FLT3: variants seen among roughly 807,000 people sequenced by gnomAD.
FLT3 encodes the protein receptor-type tyrosine-protein kinase FLT3.
FLT3 carries 46 observed loss-of-function variants against 126.6 expected under a neutral mutation model. The observed-to-expected ratio is 0.36, with a 90% confidence interval of 0.29 to 0.46. The LOEUF (loss-of-function observed/expected upper bound fraction) is 0.46. Ranked by LOEUF, FLT3 falls within the 20% of genes least tolerant of loss-of-function variation. The pLI is 1.00. For missense variants in FLT3, 1,069 were observed against 1,190.3 expected, an observed-to-expected ratio of 0.90 and a Z score of 1.50; for synonymous variants, 404 against 434.4, an observed-to-expected ratio of 0.93 and a Z score of 0.87.
chr13:28,072,388 GCTCT>G (rs757347305), intron 1 of FLT3, among the ~76,000 whole-genome samples: 29 of 149,992 alleles, frequency 1.9e-4, no homozygotes, highest in Non-Finnish European at 3.6e-4. Flanking sequence ...ACTCTCTCTC[GCTCT>G]CTCTCTCTCT....
chr13:28,036,684 A>G (rs1873863715), intron 10 of FLT3, among the ~76,000 whole-genome samples: 1 of 152,250 alleles, frequency 6.6e-6, no homozygotes, highest in South Asian at 2.1e-4. Context: ...ATACACACAG[A>G]AAGAGATATA....
chr13:28,050,517 A>C (rs1223233854), intron 5 of FLT3, among the ~76,000 whole-genome samples: 1 of 152,228 alleles, frequency 6.6e-6, no homozygotes, highest in South Asian at 2.1e-4. Context: ...CAGGGAAAGA[A>C]AGGGAAAAAA....
At chr13:28,079,743 T>C (rs1475694193) in intron 1 of FLT3, among the ~76,000 whole-genome samples, 2 of 152,076 alleles carry the variant, frequency 1.3e-5, no homozygotes, top group Non-Finnish European at 2.9e-5. Context: ...AGCACAAGGA[T>C]AGCACGGGAA....
chr13:28,037,111 C>G (rs1219028979), intron 10 of FLT3, 74 bp downstream of exon 10: 13 of 896,348 alleles, frequency 1.5e-5, no homozygotes, highest in Admixed American at 5.6e-5. Flanking sequence ...CATTACTTAA[C>G]TTTTCCTAGT....
chr13:28,051,115 G>T (rs73439141), intron 5 of FLT3, among the ~76,000 whole-genome samples: 4,078 of 152,256 alleles, frequency 0.027, 163 homozygotes, highest in African/African-American at 0.091. Context: ...GCAAACCAGG[G>T]TTCAAACCCA....
chr13:28,050,337 G>A, intron 5 of FLT3, 115 bp from the exon 6 acceptor site: 1 of 958,674 alleles, frequency 1.0e-6, no homozygotes, highest in Non-Finnish European at 1.6e-6. Context: ...GTAAACAAAA[G>A]GTCAAAAGGT....
At chr13:28,041,232 CCA>C (rs796201421) in intron 9 of FLT3, among the ~76,000 whole-genome samples, 6 of 152,010 alleles carry the variant, frequency 3.9e-5, no homozygotes, top group African/African-American at 1.4e-4. Flanking sequence ...TGGAAGTGGC[CCA>C]AGAGAAGAAA....
intron 17 of FLT3, among the ~76,000 whole-genome samples, 169 bp downstream of exon 17, chr13:28,026,919 C>CGTT (rs1463277749): frequency 2.0e-5 from 3 of 152,164 alleles, no homozygotes; most frequent in East Asian, 1.9e-4. Context: ...GGACAGGACT[C>CGTT]GTTCCATGTC....
intron 15 of FLT3, among the ~76,000 whole-genome samples, chr13:28,032,526 C>T (rs1178745512): frequency 2.0e-5 from 3 of 152,196 alleles, no homozygotes; most frequent in East Asian, 1.9e-4. Context: ...GGGAGGATGG[C>T]TTGAGCCTGG....
chr13:28,063,002 G>C (rs540069478), intron 2 of FLT3, among the ~76,000 whole-genome samples: 1 of 152,096 alleles, frequency 6.6e-6, no homozygotes, highest in Non-Finnish European at 1.5e-5. Context: ...AAACTAATCA[G>C]ACCGTAATTA....
At chr13:28,046,319 A>G (rs1226177920) in intron 9 of FLT3, among the ~76,000 whole-genome samples, 1 of 152,154 alleles carries the variant, frequency 6.6e-6, no homozygotes, top group Non-Finnish European at 1.5e-5. Context: ...TTTAGTACAA[A>G]TCCCTTTTAG....
At chr13:28,094,393 TA>T (rs1353882325) in intron 1 of FLT3, among the ~76,000 whole-genome samples, 1 of 152,224 alleles carries the variant, frequency 6.6e-6, no homozygotes, top group Non-Finnish European at 1.5e-5. Context: ...AAAAAATGTA[TA>T]TTTTTTTACT....
At chr13:28,014,325 G>A (rs972222976) in intron 23 of FLT3, 127 bp downstream of exon 23, 4 of 663,774 alleles carry the variant, frequency 6.0e-6, no homozygotes, top group Non-Finnish European at 1.1e-5. Flanking sequence ...AACTTTGAAA[G>A]GGCAACCCAG....
intron 19 of FLT3, among the ~76,000 whole-genome samples, chr13:28,022,926 T>C (rs746923974): frequency 2.0e-5 from 3 of 152,016 alleles, no homozygotes; most frequent in Non-Finnish European, 4.4e-5. Context: ...GCACGCAGGG[T>C]GAGAATTAGA....
intron 18 of FLT3, among the ~76,000 whole-genome samples, chr13:28,024,520 C>T (rs936334493): frequency 6.6e-6 from 1 of 152,240 alleles, no homozygotes; most frequent in Admixed American, 6.5e-5. Context: ...GGTCACATAA[C>T]TTGTCCAAAG....
chr13:28,003,926 A>G lies in FLT3; in HGVS notation c.*126T>C, dbSNP rs1343218082. On this transcript the variant is annotated 3_prime_UTR_variant, in exon 24 of 24. Transcript: ENST00000241453. ...GAGTAAACGCAGACAGCTTCTAGAG[A>G]AAAGTCTGGTGAAGCAGCAGTTGAT... The G allele has an allele frequency of 3.6e-6, 4 of 1,103,958 alleles. No homozygotes were observed. The highest frequency in any genetic ancestry group is 1.6e-5 in the African/African-American group (1 of 64,174). The allele number at this position is 1,103,958 out of a possible 1,614,324, so 68.4% of individuals were successfully genotyped here.
At chr13:28,043,084 G>A (rs372300085) in intron 9 of FLT3, among the ~76,000 whole-genome samples, 54 of 152,156 alleles carry the variant, frequency 3.5e-4, no homozygotes, top group African/African-American at 1.3e-3. Context: ...TAGATTCACA[G>A]AGTTGGAAAA....
chr13:28,049,766 G>C lies in FLT3; in HGVS notation c.751C>G (p.Gln251Glu). 6.2e-7 allele frequency: 1 copy of C among 1,612,864 alleles called. No individual in the cohort carries two copies. The highest frequency in any genetic ancestry group is 8.5e-7 in the Non-Finnish European group (1 of 1,179,678). Residue 251 changes from glutamine (Q) to glutamate (E), a missense_variant, in exon 7 of 24, where the codon CAA (glutamine) becomes GAA (glutamate). By Grantham distance (29) the Gln-to-Glu change is conservative. Coordinates refer to ENST00000241453, the MANE Select transcript of FLT3 (RefSeq NM_004119.3). The part of the protein sequence containing the change: ...CTRLFTIDLN[Q>E]TPQTTLPQLF... ...TGTGGCAATGTGGTCTGAGGAGTTT[G>C]ATTTAGATCTAGGAGATGAAAACAT... is the stretch of plus-strand genomic sequence containing the variant.
chr13:28,003,417 A>G lies in FLT3; in HGVS notation c.*635T>C, dbSNP rs35613052. On this transcript the variant is annotated 3_prime_UTR_variant, in exon 24 of 24. Coordinates refer to ENST00000241453, the MANE Select transcript of FLT3 (RefSeq NM_004119.3). ...ACCTATTCATTATAAACTTCCCCCAATACAACCCCTGTTGTTGCAGAAATC... is the reference window on the plus strand; with the variant it reads ...ACCTATTCATTATAAACTTCCCCCAGTACAACCCCTGTTGTTGCAGAAATC... The G allele has an allele frequency of 0.067, 15,605 of 233,788 alleles. 674 individuals carry two copies. The highest frequency in any genetic ancestry group is 0.089 in the Non-Finnish European group (10,512 of 118,446). 14.5% of individuals were successfully genotyped at this position (233,788 alleles called of 1,614,324 possible).
Sources: allele counts gnomAD v4.1 joint callset (sites outside exome capture counted in the v4.1 genomes callset), GRCh38; gene constraint gnomAD v4.1.1; transcripts MANE v1.5; gene names NCBI Gene and HGNC (gene_info 2026-07-23, HGNC 2026-07-21).